The following SLAMF1 variants were observed in gnomAD, a reference collection of about 807,000 sequenced individuals.
SLAMF1 encodes signaling lymphocytic activation molecule family member 1, also known as signaling lymphocytic activation molecule.
A neutral mutation model predicts 35.1 loss-of-function variants in SLAMF1; 18 were observed. The ratio of observed to expected loss-of-function variants is 0.51; its 90% confidence interval spans 0.35 to 0.76. The LOEUF (loss-of-function observed/expected upper bound fraction) is 0.76, where lower values mean the gene tolerates loss of function less well. Among genes scored for constraint, SLAMF1 ranks in the 30% least tolerant of loss-of-function variants. SLAMF1 has a pLI of 0.01. For missense variants in SLAMF1, 392 were observed against 413.0 expected, an observed-to-expected ratio of 0.95 and a Z score of 0.44; for synonymous variants, 168 against 157.2, an observed-to-expected ratio of 1.07 and a Z score of -0.51.
intron 3 of SLAMF1, among the ~76,000 whole-genome samples, chr1:160,631,702 C>T (rs1180562067): frequency 2.0e-5 from 3 of 151,580 alleles, no homozygotes; most frequent in Admixed American, 1.3e-4. Flanking sequence ...TGTGAGTACA[C>T]GAAGGAAAGA....
intron 3 of SLAMF1, among the ~76,000 whole-genome samples, chr1:160,628,761 G>T (rs1188122967): frequency 6.6e-6 from 1 of 152,202 alleles, no homozygotes; most frequent in East Asian, 1.9e-4. Flanking sequence ...GGAATGCAGG[G>T]TCACCTGCTG....
rs377421785 is a variant in SLAMF1, at chr1:160,624,660, T to C, written c.701-475A>G. Among the ~76,000 whole-genome samples the C allele has an allele frequency of 2.3e-4, 35 of 152,348 alleles. 1 individual carries two copies. The South Asian group carries it at 6.6e-3, about 29-fold the overall frequency. On this transcript the variant is annotated intron_variant, in intron 3 of 6. Transcript: ENST00000302035. ...TTATCTTTTTTAAAAATAAACATAA[T>C]AGTGCTATTGTTGTCCTTTCATGCA...
intron 1 of SLAMF1, among the ~76,000 whole-genome samples, chr1:160,639,958 A>T (rs1426905332): frequency 1.3e-5 from 2 of 151,874 alleles, no homozygotes; most frequent in African/African-American, 4.8e-5. Flanking sequence ...CTCTCTGAAG[A>T]ATTTCTTCCC....
At chr1:160,646,630 T>C (rs1213761234) in intron 1 of SLAMF1, among the ~76,000 whole-genome samples, 2 of 152,302 alleles carry the variant, frequency 1.3e-5, no homozygotes, top group Middle Eastern at 3.4e-3. Flanking sequence ...AGCCTTTGGC[T>C]TAGAGCCCCT....
In SLAMF1 at chr1:160,634,656, G is replaced by A. The variant is rs1217014282; in HGVS notation, c.657C>T (p.Ser219=). The A allele has an allele frequency of 6.2e-7, 1 of 1,613,784 alleles. No homozygotes were observed. The highest frequency in any genetic ancestry group is 8.5e-7 in the Non-Finnish European group (1 of 1,179,838). The change falls in exon 3 of 7, where the codon TCC becomes TCT. Residue 219 remains serine (S), a synonymous_variant. Transcript: ENST00000302035. ...ATCCGGGCCACGGGCTGAAGGTCTG[G>A]GAATTGTTGCTGATAGGGTTGCTCA... ...CTVSNPISNN[S]QTFSPWPGCR... is the part of the protein sequence containing the mutation.
At chr1:160,613,822 A>G (rs567164161) in intron 5 of SLAMF1, among the ~76,000 whole-genome samples, 1 of 152,372 alleles carries the variant, frequency 6.6e-6, no homozygotes, top group South Asian at 2.1e-4. Context: ...GGATTTGGGG[A>G]AAATATTTTG....
intron 1 of SLAMF1, among the ~76,000 whole-genome samples, chr1:160,645,337 A>G (rs1660982005): frequency 6.6e-6 from 1 of 152,260 alleles, no homozygotes; most frequent in Admixed American, 6.5e-5. Flanking sequence ...ATTTAAAAAT[A>G]AAAACACTGA....
intron 1 of SLAMF1, among the ~76,000 whole-genome samples, chr1:160,641,801 G>A (rs1409957827): frequency 6.6e-6 from 1 of 152,180 alleles, no homozygotes; most frequent in Non-Finnish European, 1.5e-5. Flanking sequence ...CTAGATGAGT[G>A]TTTTCCAGTG....
chr1:160,624,610 G>A (rs1659785171), intron 3 of SLAMF1, among the ~76,000 whole-genome samples: 1 of 152,212 alleles, frequency 6.6e-6, no homozygotes, highest in African/African-American at 2.4e-5. Flanking sequence ...ATTCTCATGA[G>A]ACACTGGGAG....
At chr1:160,633,963 G>A (rs1163186302) in intron 3 of SLAMF1, among the ~76,000 whole-genome samples, 2 of 152,186 alleles carry the variant, frequency 1.3e-5, no homozygotes, top group East Asian at 1.9e-4. Flanking sequence ...ACACAGTTGA[G>A]AGTGCTTTGC....
chr1:160,631,011 G>T lies in SLAMF1; in HGVS notation c.700+3602C>A, dbSNP rs145401694. 1.7e-4 allele frequency among the ~76,000 whole-genome samples: 26 copies of T among 151,274 alleles called. 1 individual carries two copies. The East Asian group carries it at 5.1e-3, about 29-fold the overall frequency. ...TTGCATATATTTCCATTTTACATCC[G>T]TCACACTGTCTAATCTCGGATCATT... On this transcript the variant is annotated intron_variant, in intron 3 of 6. Transcript: ENST00000302035.
At chr1:160,644,083 A>G (rs1424288865) in intron 1 of SLAMF1, among the ~76,000 whole-genome samples, 1 of 152,250 alleles carries the variant, frequency 6.6e-6, no homozygotes, top group Non-Finnish European at 1.5e-5. Context: ...TCCAGGTCAA[A>G]TACTTCTTAT....
At position 160,612,245 on chromosome 1, in the gene SLAMF1, ATT is replaced by A. The variant is rs3079846; in HGVS notation, c.957+241_957+242del. On this transcript the variant is annotated intron_variant, in intron 6 of 6. Coordinates refer to ENST00000302035, the MANE Select transcript of SLAMF1 (RefSeq NM_003037.5). ...TTTCATTTAATTTGTTTTTGTTTTA[ATT>A]TTTTTTTTTTTACTTTTATTTTAAG... 2.2e-4 allele frequency among the ~76,000 whole-genome samples: 33 copies of A among 148,038 alleles called. No homozygotes were observed. In the South Asian group the frequency reaches 3.0e-3, roughly 13 times the overall value.
rs531745845 is a variant in SLAMF1 at position 160,629,274 on chromosome 1, A to C, written c.701-5089T>G. ...GAGGGCGTTTTTTTTCTTGTCTCTG[A>C]AAGTGTTGTCACAGAAACACAGAAG... On this transcript the variant is annotated intron_variant, in intron 3 of 6. Coordinates refer to ENST00000302035, the MANE Select transcript of SLAMF1 (RefSeq NM_003037.5). Among the ~76,000 whole-genome samples the C allele has an allele frequency of 1.1e-3, 171 of 151,484 alleles. 1 individual carries two copies. The highest frequency in any genetic ancestry group is 3.8e-3 in the African/African-American group (158 of 41,230).
At position 160,637,197 on chromosome 1, in the gene SLAMF1, G is replaced by A; in HGVS notation, c.409C>T (p.Leu137Phe). ...SVQRFCLQLR[L>F]YEQVSTPEIK... ...GGGAAGCCGCCATTATTACCATAAA[G>A]CCTCAACTGCAGGCAAAAGCGCTGA... Residue 137 changes from leucine to phenylalanine, a missense_variant, in exon 2 of 7, where the codon CTT (leucine) becomes TTT (phenylalanine). Coordinates refer to ENST00000302035, the MANE Select transcript of SLAMF1 (RefSeq NM_003037.5). 18 of 1,612,826 alleles carry A rather than the reference G, an allele frequency of 1.1e-5. No individual in the cohort carries two copies. The highest frequency in any genetic ancestry group is 1.5e-5 in the Non-Finnish European group (18 of 1,178,888).
intron 4 of SLAMF1, among the ~76,000 whole-genome samples, chr1:160,621,464 CAGA>C (rs1390002286): frequency 1.4e-5 from 2 of 144,400 alleles, no homozygotes; most frequent in African/African-American, 5.1e-5. Flanking sequence ...GAGGCTGAGA[CAGA>C]AGAACTGCTT....
At chr1:160,632,759 T>C (rs1267086210) in intron 3 of SLAMF1, among the ~76,000 whole-genome samples, 2 of 152,194 alleles carry the variant, frequency 1.3e-5, no homozygotes, top group African/African-American at 2.4e-5. Context: ...AATTAAAAAA[T>C]ACATTATATT....
chr1:160,616,150 C>G (rs181974873), intron 5 of SLAMF1, among the ~76,000 whole-genome samples: 34 of 152,252 alleles, frequency 2.2e-4, no homozygotes, highest in Admixed American at 8.5e-4. Flanking sequence ...CCTTCCAGTT[C>G]TTAAAGTCTG....
At chr1:160,614,222 T>C (rs1244180371) in intron 5 of SLAMF1, among the ~76,000 whole-genome samples, 1 of 152,166 alleles carries the variant, frequency 6.6e-6, no homozygotes, top group African/African-American at 2.4e-5. Flanking sequence ...TGAAGAAATT[T>C]TGAGTTTAAG....
Sources: allele counts gnomAD v4.1 joint callset (sites outside exome capture counted in the v4.1 genomes callset), GRCh38; gene constraint gnomAD v4.1.1; transcripts MANE v1.5; gene names NCBI Gene and HGNC (gene_info 2026-07-23, HGNC 2026-07-21).